HDAC9: variants seen among roughly 807,000 people sequenced by gnomAD.
HDAC9 encodes the protein histone deacetylase 9, also known as MEF-2 interacting transcription repressor (MITR) protein.
HDAC9 carries 41 observed loss-of-function variants against 139.4 expected under a neutral mutation model. The observed-to-expected ratio is 0.29, with a 90% CI of 0.23 to 0.38. HDAC9 has a LOEUF of 0.38. HDAC9 is among the 10% of genes least tolerant of loss of function. HDAC9 has a pLI of 1.00. For missense variants in HDAC9, 1,147 were observed against 1,297.0 expected (o/e 0.88, Z 1.78); for synonymous variants, 517 against 476.2 (o/e 1.09, Z -1.12).
At chr7:18,971,223 T>A (rs1784225305) in intron 24 of HDAC9, among the ~76,000 whole-genome samples, 1 of 152,200 alleles carries the variant, frequency 6.6e-6, no homozygotes, top group Non-Finnish European at 1.5e-5. Flanking sequence ...GAAGGCTGGA[T>A]AGTCCTTAAA....
rs1433945303 is a variant in HDAC9 at position 18,901,245 on chromosome 7, CACAT to C, written c.2803+26651_2803+26654del. 1.6e-3 allele frequency among the ~76,000 whole-genome samples: 234 copies of C among 148,208 alleles called. 4 individuals carry two copies. The highest frequency in any genetic ancestry group is 7.2e-3 in the Middle Eastern group (2 of 276). Reference sequence around the variant, plus strand: ...ATACACACACACACACACACACACACACATATATACATATACATATATATATATA... The same window carrying C: ...ATACACACACACACACACACACACACATATACATATACATATATATATATA... On this transcript the variant is annotated intron_variant, in intron 22 of 25. Transcript: ENST00000686413.
At chr7:18,603,200 G>A (rs1380812252) in intron 6 of HDAC9, among the ~76,000 whole-genome samples, 1 of 151,916 alleles carries the variant, frequency 6.6e-6, no homozygotes, top group Non-Finnish European at 1.5e-5. Flanking sequence ...TATATTTAAA[G>A]TGGGTTTCTT....
At chr7:18,770,062 A>G (rs1465222560) in intron 16 of HDAC9, among the ~76,000 whole-genome samples, 7 of 152,168 alleles carry the variant, frequency 4.6e-5, no homozygotes, top group Non-Finnish European at 1.0e-4. Flanking sequence ...TACCTGGGAC[A>G]TTATGAAATC....
At chr7:18,690,136 C>G (rs567176484) in intron 12 of HDAC9, among the ~76,000 whole-genome samples, 1 of 152,054 alleles carries the variant, frequency 6.6e-6, no homozygotes, top group South Asian at 2.1e-4. Flanking sequence ...GTCTCTCAAC[C>G]CTTTTTGCAA....
intron 1 of HDAC9, among the ~76,000 whole-genome samples, chr7:18,293,491 C>T (rs144666383): frequency 0.021 from 3,259 of 152,186 alleles, 51 homozygotes; most frequent in Middle Eastern, 0.037. Context: ...GGGAACATCA[C>T]ACACCGGGCA....
At chr7:18,981,729 G>A (rs945500630) in intron 25 of HDAC9, among the ~76,000 whole-genome samples, 1 of 152,040 alleles carries the variant, frequency 6.6e-6, no homozygotes, top group Non-Finnish European at 1.5e-5. Flanking sequence ...GACTCACCAG[G>A]ATAATTTAGG....
At chr7:18,647,373 C>T (rs73311474) in intron 9 of HDAC9, among the ~76,000 whole-genome samples, 3,736 of 152,100 alleles carry the variant, frequency 0.025, 171 homozygotes, top group African/African-American at 0.085. Flanking sequence ...TGCATTGTCT[C>T]ACATACTTAT....
chr7:18,391,400 AG>A (rs1786477940), intron 1 of HDAC9, among the ~76,000 whole-genome samples: 1 of 151,974 alleles, frequency 6.6e-6, no homozygotes, highest in African/African-American at 2.4e-5. Flanking sequence ...CAAAAAAAAA[AG>A]AAAGTAAAAA....
intron 25 of HDAC9, among the ~76,000 whole-genome samples, chr7:18,983,035 T>G (rs1284625147): frequency 6.6e-6 from 1 of 152,174 alleles, no homozygotes; most frequent in Non-Finnish European, 1.5e-5. Context: ...TGTATTGTTG[T>G]GCAACAGGTT....
intron 2 of HDAC9, among the ~76,000 whole-genome samples, chr7:18,262,368 A>G (rs1052988582): frequency 6.6e-6 from 1 of 152,246 alleles, no homozygotes; most frequent in South Asian, 2.1e-4. Context: ...GCTATCAAGC[A>G]AAAGTTCTAT....
chr7:18,310,264 G>A (rs1037163280), intron 1 of HDAC9, among the ~76,000 whole-genome samples: 1 of 152,144 alleles, frequency 6.6e-6, no homozygotes, highest in Non-Finnish European at 1.5e-5. Context: ...GTATCACAGA[G>A]TTTTATGTTG....
At chr7:18,211,797 G>A (rs1791955608) in intron 2 of HDAC9, among the ~76,000 whole-genome samples, 1 of 152,104 alleles carries the variant, frequency 6.6e-6, no homozygotes, top group African/African-American at 2.4e-5. Context: ...AGTAAATAAT[G>A]TGGAGGGAGT....
Position 18,379,136 on chromosome 7 carries a change from C to T in HDAC9, c.-42+88621C>T, listed in dbSNP as rs907960733. Among the ~76,000 whole-genome samples, 22 of 152,002 alleles carry T rather than the reference C, an allele frequency of 1.4e-4. No individual in the cohort carries two copies. The East Asian group carries it at 1.7e-3, about 12-fold the overall frequency. ...TTTTAAAATACTTTTGAAAATCTACCGCTCAAAAATCTGATTCTGTGAATA... is the reference window on the plus strand; with the variant it reads ...TTTTAAAATACTTTTGAAAATCTACTGCTCAAAAATCTGATTCTGTGAATA... On this transcript the variant is annotated intron_variant, in intron 1 of 3. Coordinates refer to the HDAC9 transcript ENST00000413509.
At chr7:18,626,168 T>G (rs1841656527) in intron 6 of HDAC9, among the ~76,000 whole-genome samples, 1 of 152,006 alleles carries the variant, frequency 6.6e-6, no homozygotes, top group African/African-American at 2.4e-5. Flanking sequence ...AGGAAATTTT[T>G]CCTGGAGTGC....
chr7:18,691,063 C>A (rs1431158106), intron 12 of HDAC9, among the ~76,000 whole-genome samples: 3 of 151,774 alleles, frequency 2.0e-5, no homozygotes, highest in Non-Finnish European at 4.4e-5. Context: ...GAGCAAAATG[C>A]TAATTTTATT....
At chr7:18,193,795 C>G (rs1258164158) in intron 2 of HDAC9, among the ~76,000 whole-genome samples, 1 of 152,148 alleles carries the variant, frequency 6.6e-6, no homozygotes, top group Non-Finnish European at 1.5e-5. Context: ...AGGGGGCCGA[C>G]TTGCCACGTG....
At chr7:18,460,826 G>A (rs1471388799) in intron 1 of HDAC9, among the ~76,000 whole-genome samples, 1 of 148,400 alleles carries the variant, frequency 6.7e-6, no homozygotes, top group Non-Finnish European at 1.5e-5. Flanking sequence ...GGATTATCCT[G>A]AACCCAAATA....
chr7:18,785,220 C>A (rs1264525983), intron 16 of HDAC9, among the ~76,000 whole-genome samples: 2 of 151,580 alleles, frequency 1.3e-5, no homozygotes, highest in African/African-American at 4.9e-5. Context: ...AAGGGCAGAA[C>A]AATGCTTAAA....
intron 14 of HDAC9, among the ~76,000 whole-genome samples, chr7:18,753,978 C>G (rs1276207104): frequency 2.0e-5 from 3 of 152,048 alleles, no homozygotes; most frequent in Admixed American, 6.6e-5. Flanking sequence ...ACATATTGCT[C>G]TTAGTTTGTA....
Sources: gnomAD v4.1 joint callset for allele counts (sites outside exome capture counted in the v4.1 genomes callset) on GRCh38, gnomAD v4.1.1 for gene constraint, MANE v1.5 for transcripts, NCBI Gene and HGNC (gene_info 2026-07-23, HGNC 2026-07-21) for gene names.